KATNAL2: variants seen among roughly 807,000 people sequenced by gnomAD.
KATNAL2 encodes katanin catalytic subunit A1 like 2, also known as katanin p60 ATPase-containing subunit A-like 2.
KATNAL2 carries 52 observed loss-of-function variants against 76.3 expected under a neutral mutation model. The observed-to-expected ratio is 0.68, with a 90% confidence interval of 0.55 to 0.86. KATNAL2 has a LOEUF of 0.86. Among genes scored for constraint, KATNAL2 ranks in the 40% least tolerant of loss-of-function variants. The probability of loss-of-function intolerance (pLI) is 0.00; values close to 1 mark genes in which losing one functional copy is unlikely to be tolerated. For missense variants in KATNAL2, 660 were observed against 668.9 expected (o/e 0.99, Z 0.15); for synonymous variants, 243 against 244.2 (o/e 1.00, Z 0.05).
chr18:46,961,210 T>C (rs941755722), intron 3 of KATNAL2, among the ~76,000 whole-genome samples: 1 of 152,038 alleles, frequency 6.6e-6, no homozygotes, highest in African/African-American at 2.4e-5. Context: ...TGGCTATTTA[T>C]CTTACTTTTG....
intron 1 of KATNAL2, among the ~76,000 whole-genome samples, chr18:46,928,003 C>T (rs2058781941): frequency 6.6e-6 from 1 of 151,994 alleles, no homozygotes; most frequent in Non-Finnish European, 1.5e-5. Flanking sequence ...TTTTTCAAAG[C>T]TTTTAACTTC....
At chr18:47,085,518 T>C (rs1005446148) in intron 15 of KATNAL2, among the ~76,000 whole-genome samples, 8 of 152,164 alleles carry the variant, frequency 5.3e-5, no homozygotes, top group Non-Finnish European at 8.8e-5. Flanking sequence ...AACATCACTA[T>C]TGTAGAATCT....
intron 9 of KATNAL2, 86 bp from the exon 10 acceptor site, chr18:47,063,197 GT>G: frequency 6.8e-7 from 1 of 1,471,408 alleles, no homozygotes; most frequent in Non-Finnish European, 9.5e-7. Context: ...GCCATCGTTT[GT>G]TTCACCAAGA....
chr18:46,941,835 T>C (rs975595501), intron 1 of KATNAL2, among the ~76,000 whole-genome samples: 1 of 152,194 alleles, frequency 6.6e-6, no homozygotes, highest in African/African-American at 2.4e-5. Flanking sequence ...ATTTTCTTTT[T>C]AATTCTCAGC....
At chr18:47,044,176 T>C (rs1210540577) in intron 3 of KATNAL2, among the ~76,000 whole-genome samples, 1 of 151,556 alleles carries the variant, frequency 6.6e-6, no homozygotes, top group South Asian at 2.1e-4. Context: ...ACACATAAAA[T>C]ACACTAACAC....
At chr18:47,031,001 C>T in intron 3 of KATNAL2, among the ~76,000 whole-genome samples, 1 of 67,780 alleles carries the variant, frequency 1.5e-5, no homozygotes, top group African/African-American at 5.7e-5. Context: ...CAGCAGAATC[C>T]CTCTAGCATC....
chr18:47,043,193 C>G (rs2061022925), intron 3 of KATNAL2, among the ~76,000 whole-genome samples: 1 of 133,666 alleles, frequency 7.5e-6, no homozygotes, highest in Non-Finnish European at 1.5e-5. Flanking sequence ...CGCCACTACA[C>G]TCCAGCCCCG....
rs137909262 is a variant in KATNAL2 at position 46,935,260 on chromosome 18, A to T, written c.-509-10797A>T. Among the ~76,000 whole-genome samples the T allele has an allele frequency of 3.3e-5, 5 of 152,308 alleles. No individual in the cohort carries two copies. The East Asian group carries it at 9.6e-4, about 29-fold the overall frequency. On this transcript the variant is annotated intron_variant, in intron 1 of 17. Coordinates refer to ENST00000683218, the MANE Select transcript of KATNAL2 (RefSeq NM_001387690.1). ...GTTTAAGATAATTACTAACCAGAACACATGCTAGAAGACTACTTAGGGCCG... is the reference window on the plus strand; with the variant it reads ...GTTTAAGATAATTACTAACCAGAACTCATGCTAGAAGACTACTTAGGGCCG...
At chr18:47,096,315 G>A (rs994866298) in intron 15 of KATNAL2, among the ~76,000 whole-genome samples, 3 of 152,032 alleles carry the variant, frequency 2.0e-5, no homozygotes, top group Non-Finnish European at 2.9e-5. Flanking sequence ...TGGTGATGAC[G>A]TTTTCATTGT....
chr18:47,066,847 T>TTTA (rs1319765780), intron 10 of KATNAL2, among the ~76,000 whole-genome samples, 174 bp from the exon 11 acceptor site: 36 of 29,580 alleles, frequency 1.2e-3, no homozygotes, highest in Non-Finnish European at 1.8e-3. Context: ...ATATATGTGT[T>TTTA]TATATATATA....
intron 2 of KATNAL2, 44 bp downstream of exon 2, chr18:46,946,590 A>G: frequency 1.0e-6 from 1 of 984,018 alleles, no homozygotes; most frequent in Non-Finnish European, 1.2e-6. Flanking sequence ...ACGAATTAAG[A>G]AAACCAAAAC....
chr18:47,081,263 G>T (rs568580503), intron 15 of KATNAL2, among the ~76,000 whole-genome samples: 2 of 152,070 alleles, frequency 1.3e-5, no homozygotes, highest in South Asian at 2.1e-4. Flanking sequence ...TTCAACAGCG[G>T]CACTGTCTAA....
At chr18:46,935,501 C>T (rs2146586720) in intron 1 of KATNAL2, among the ~76,000 whole-genome samples, 2 of 152,290 alleles carry the variant, frequency 1.3e-5, no homozygotes, top group South Asian at 4.1e-4. Context: ...ATTGTCCAGG[C>T]TGGACTCGAA....
chr18:46,957,007 A>C (rs2059768674), intron 3 of KATNAL2, among the ~76,000 whole-genome samples: 1 of 148,486 alleles, frequency 6.7e-6, no homozygotes. Context: ...CATGCCATTC[A>C]GCCTGGGACA....
intron 3 of KATNAL2, chr18:47,035,125 G>C (rs781736406): frequency 6.2e-7 from 1 of 1,611,520 alleles, no homozygotes; most frequent in African/African-American, 1.3e-5. Context: ...TCTGATTCCA[G>C]TCTCCGCCAG....
chr18:46,937,567 T>C (rs2059130054), intron 1 of KATNAL2, among the ~76,000 whole-genome samples: 1 of 152,148 alleles, frequency 6.6e-6, no homozygotes, highest in South Asian at 2.1e-4. Context: ...CCAAGCTGCA[T>C]ATATACATGC....
chr18:47,059,278 GT>G (rs2061560924), intron 7 of KATNAL2, among the ~76,000 whole-genome samples: 1 of 152,202 alleles, frequency 6.6e-6, no homozygotes, highest in African/African-American at 2.4e-5. Context: ...ATGGGGATGG[GT>G]TGAGGCACAA....
At chr18:47,058,214 G>A in intron 6 of KATNAL2, 21 bp from the exon 7 acceptor site, 1 of 1,484,450 alleles carries the variant, frequency 6.7e-7, no homozygotes, top group Non-Finnish European at 9.4e-7. Context: ...TTTCTTCCAA[G>A]GTCTTTGTTC....
In KATNAL2 at chr18:47,067,127, C is replaced by G; in HGVS notation, c.825+8C>G. On this transcript the variant is annotated splice_region_variant and intron_variant, in intron 11 of 17. Transcript: ENST00000683218. ...GTTGTGTATCCTATAAGGGTAAGGA[C>G]GGGAAGCCTCTTGGGGGTTATTTCT... 2.1e-6 allele frequency: 3 copies of G among 1,460,550 alleles called. No individual in the cohort carries two copies. Among genetic ancestry groups the G allele is most frequent in the Non-Finnish European group, 1.9e-6 (2 of 1,059,622 alleles). 90.5% of individuals were successfully genotyped at this position (1,460,550 alleles called of 1,614,324 possible). A position where few individuals can be genotyped will look rare whatever the true frequency, so the allele number is the denominator to read the frequency against.
Sources: allele counts gnomAD v4.1 joint callset (sites outside exome capture counted in the v4.1 genomes callset), GRCh38; gene constraint gnomAD v4.1.1; transcripts MANE v1.5; gene names NCBI Gene and HGNC (gene_info 2026-07-23, HGNC 2026-07-21).